RABGAP1L: variants seen among roughly 807,000 people sequenced by gnomAD.
RABGAP1L encodes rab GTPase-activating protein 1-like.
RABGAP1L carries 63 observed loss-of-function variants against 137.7 expected under a neutral mutation model. The observed-to-expected ratio is 0.46, with a 90% CI of 0.37 to 0.56. The LOEUF (loss-of-function observed/expected upper bound fraction) is 0.56, where lower values mean the gene tolerates loss of function less well. Among genes scored for constraint, RABGAP1L ranks in the 20% least tolerant of loss-of-function variants. The pLI is 0.00. For missense variants in RABGAP1L, 1,095 were observed against 1,244.0 expected (o/e 0.88, Z 1.80); for synonymous variants, 431 against 433.7 (o/e 0.99, Z 0.08).
intron 13 of RABGAP1L, among the ~76,000 whole-genome samples, chr1:174,529,325 G>A (rs927630149): frequency 6.6e-6 from 1 of 152,034 alleles, no homozygotes; most frequent in Non-Finnish European, 1.5e-5. Context: ...ATGCATCTAT[G>A]ATGTTGGTTT....
At chr1:174,561,369 A>G (rs1340026194) in intron 13 of RABGAP1L, among the ~76,000 whole-genome samples, 1 of 152,240 alleles carries the variant, frequency 6.6e-6, no homozygotes, top group Non-Finnish European at 1.5e-5. Flanking sequence ...GGACACAAAC[A>G]AATGGAAAGA....
intron 17 of RABGAP1L, among the ~76,000 whole-genome samples, chr1:174,704,211 C>T (rs1351713454): frequency 6.6e-6 from 1 of 152,148 alleles, no homozygotes; most frequent in East Asian, 1.9e-4. Flanking sequence ...GCTGGCCAGG[C>T]TGGTCTCAAA....
At chr1:174,359,979 C>T (rs952690867) in intron 11 of RABGAP1L, among the ~76,000 whole-genome samples, 13 of 152,084 alleles carry the variant, frequency 8.5e-5, no homozygotes, top group Non-Finnish European at 1.2e-4. Flanking sequence ...ACTGTTTGGC[C>T]CCTGATTTGC....
intron 10 of RABGAP1L, among the ~76,000 whole-genome samples, chr1:174,299,189 T>C (rs1677422135): frequency 6.6e-6 from 1 of 152,218 alleles, no homozygotes; most frequent in Non-Finnish European, 1.5e-5. Flanking sequence ...TGGAAGTTTG[T>C]TCCATAAGGA....
intron 13 of RABGAP1L, among the ~76,000 whole-genome samples, chr1:174,437,118 A>C (rs189480302): frequency 5.9e-5 from 9 of 152,334 alleles, no homozygotes; most frequent in African/African-American, 1.9e-4. Flanking sequence ...AAAGATGGGG[A>C]GAAAACAGAG....
At chr1:174,253,637 G>C (rs10912750) in intron 7 of RABGAP1L, among the ~76,000 whole-genome samples, 44,779 of 152,028 alleles carry the variant, frequency 0.29, 7,028 homozygotes, top group African/African-American at 0.37. Context: ...GGGGGCATAT[G>C]CTAAAGATAG....
intron 13 of RABGAP1L, among the ~76,000 whole-genome samples, chr1:174,602,652 TCTGA>T (rs1346934520): frequency 7.2e-5 from 11 of 152,326 alleles, no homozygotes; most frequent in Admixed American, 2.0e-4. Context: ...TTTTGCCTTT[TCTGA>T]CTATTTATTT....
intron 13 of RABGAP1L, among the ~76,000 whole-genome samples, chr1:174,614,973 A>T (rs1270146351): frequency 6.6e-6 from 1 of 151,956 alleles, no homozygotes; most frequent in East Asian, 1.9e-4. Context: ...CTAGTTATAC[A>T]TTTGTCTAAA....
chr1:174,670,818 A>T (rs1397919309), intron 14 of RABGAP1L, among the ~76,000 whole-genome samples: 1 of 152,144 alleles, frequency 6.6e-6, no homozygotes, highest in East Asian at 1.9e-4. Context: ...TGTTGCTTCC[A>T]AGTCTTGGCT....
intron 13 of RABGAP1L, among the ~76,000 whole-genome samples, chr1:174,623,224 A>G (rs888891696): frequency 3.3e-5 from 5 of 152,210 alleles, no homozygotes; most frequent in East Asian, 1.9e-4. Context: ...AAGTTGAACA[A>G]TGATACGTAT....
chr1:174,231,917 T>A (rs1670691715), intron 4 of RABGAP1L, among the ~76,000 whole-genome samples: 1 of 152,144 alleles, frequency 6.6e-6, no homozygotes, highest in Non-Finnish European at 1.5e-5. Flanking sequence ...ACATTGGAGA[T>A]TACAATTTGA....
At chr1:174,884,069 G>C (rs1206774162) in intron 19 of RABGAP1L, among the ~76,000 whole-genome samples, 1 of 152,120 alleles carries the variant, frequency 6.6e-6, no homozygotes, top group African/African-American at 2.4e-5. Flanking sequence ...ACAGTATCAC[G>C]GTAAGAGAAT....
intron 19 of RABGAP1L, among the ~76,000 whole-genome samples, chr1:174,886,136 A>T (rs943495828): frequency 6.7e-6 from 1 of 150,202 alleles, no homozygotes; most frequent in Non-Finnish European, 1.5e-5. Flanking sequence ...ACCTCAGCCT[A>T]TGGGTAGCTG....
At chr1:174,636,519 C>G (rs1237457455) in intron 13 of RABGAP1L, among the ~76,000 whole-genome samples, 1 of 119,430 alleles carries the variant, frequency 8.4e-6, no homozygotes, top group Non-Finnish European at 1.6e-5. Flanking sequence ...CAGTGTGAGA[C>G]TCTACTTCAA....
intron 19 of RABGAP1L, among the ~76,000 whole-genome samples, chr1:174,847,449 C>T (rs1318220911): frequency 6.6e-6 from 1 of 150,686 alleles, no homozygotes; most frequent in Non-Finnish European, 1.5e-5. Context: ...TCAGCATTTG[C>T]TTGTCTGTAA....
chr1:174,610,043 CT>C (rs1472777787), intron 13 of RABGAP1L, among the ~76,000 whole-genome samples: 1 of 142,120 alleles, frequency 7.0e-6, no homozygotes, highest in South Asian at 2.2e-4. Flanking sequence ...TTTTTTTTTT[CT>C]TTTTTTAAAT....
chr1:174,797,624 TG>T (rs1202081532), intron 18 of RABGAP1L, among the ~76,000 whole-genome samples: 16 of 70,754 alleles, frequency 2.3e-4, no homozygotes, highest in African/African-American at 8.9e-4. Flanking sequence ...GGAGTGGGAG[TG>T]TGGGTGTGTG....
intron 19 of RABGAP1L, among the ~76,000 whole-genome samples, chr1:174,890,860 A>G (rs1392973544): frequency 6.6e-6 from 1 of 152,172 alleles, no homozygotes; most frequent in Non-Finnish European, 1.5e-5. Context: ...GATTTCTATA[A>G]TATGTGTAAC....
intron 11 of RABGAP1L, among the ~76,000 whole-genome samples, chr1:174,322,546 A>G (rs2148831306): frequency 6.6e-6 from 1 of 152,138 alleles, no homozygotes; most frequent in Admixed American, 6.5e-5. Context: ...GGTTGTCCTT[A>G]TGATATAATG....
Sources: gnomAD v4.1 joint callset for allele counts (sites outside exome capture counted in the v4.1 genomes callset) on GRCh38, gnomAD v4.1.1 for gene constraint, MANE v1.5 for transcripts, NCBI Gene and HGNC (gene_info 2026-07-23, HGNC 2026-07-21) for gene names.